The following KIF15 variants were observed in gnomAD, a reference collection of about 807,000 sequenced individuals.
KIF15 encodes kinesin-like protein KIF15.
KIF15 carries 140 observed loss-of-function variants against 190.6 expected under a neutral mutation model. The ratio of observed to expected loss-of-function variants is 0.73; its 90% CI spans 0.64 to 0.84. The LOEUF (loss-of-function observed/expected upper bound fraction) is 0.84. Ranked by LOEUF, KIF15 falls within the 40% of genes least tolerant of loss-of-function variation. KIF15 has a pLI of 0.00. For missense variants in KIF15, 1,372 were observed against 1,584.4 expected (o/e 0.87, Z 2.28); for synonymous variants, 528 against 551.3 (o/e 0.96, Z 0.59).
chr3:44,856,841 T>A (rs1350267879), downstream of KIF15, among the ~76,000 whole-genome samples: 1 of 152,072 alleles, frequency 6.6e-6, no homozygotes, highest in South Asian at 2.1e-4. Flanking sequence ...TATAACAGCA[T>A]GGTGGTGCAG....
Position 44,766,807 on chromosome 3 carries a change from C to CTT in KIF15, c.19+4943_19+4944dup, listed in dbSNP as rs766382105. On this transcript the variant is annotated intron_variant, in intron 1 of 34. Coordinates refer to ENST00000326047, the MANE Select transcript of KIF15 (RefSeq NM_020242.3). ...TAATTTTCTTTTCTTTTCTTTCTTT[C>CTT]TTTTTTTTTTTTTTTTTTTTTGAGA... is the stretch of plus-strand genomic sequence containing the variant. Among the ~76,000 whole-genome samples the CTT allele has an allele frequency of 1.5e-3, 181 of 118,532 alleles. 1 individual carries two copies. The highest frequency in any genetic ancestry group is 2.0e-3 in the African/African-American group (65 of 32,112). The allele number at this position is 118,532 out of a possible 152,430, so 77.8% of individuals were successfully genotyped here.
chr3:44,791,031 C>T (rs570427655), intron 7 of KIF15, among the ~76,000 whole-genome samples: 1 of 152,238 alleles, frequency 6.6e-6, no homozygotes, highest in South Asian at 2.1e-4. Flanking sequence ...CATAGCTATA[C>T]TTTGCTCGTT....
In KIF15 at chr3:44,841,437, G is replaced by A. The variant is rs535849561; in HGVS notation, c.3585+199G>A. 8.2e-4 allele frequency among the ~76,000 whole-genome samples: 121 copies of A among 147,144 alleles called. 1 individual carries two copies. The highest frequency in any genetic ancestry group is 2.8e-3 in the African/African-American group (109 of 39,576). ...TTTTGAGACGGAGTCTGCCTCTGTC[G>A]CCCAGGGTGGAGTGCAGTGGTGTGA... On this transcript the variant is annotated intron_variant, in intron 29 of 34. Coordinates refer to ENST00000326047, the MANE Select transcript of KIF15 (RefSeq NM_020242.3).
chr3:44,805,381 C>T (rs2125645343), intron 15 of KIF15, among the ~76,000 whole-genome samples: 1 of 152,138 alleles, frequency 6.6e-6, no homozygotes, highest in Non-Finnish European at 1.5e-5. Context: ...CAGTTTTTTC[C>T]TGTTGAGAGT....
chr3:44,839,756 T>C (rs566178988), intron 27 of KIF15, among the ~76,000 whole-genome samples: 1 of 152,210 alleles, frequency 6.6e-6, no homozygotes, highest in African/African-American at 2.4e-5. Flanking sequence ...TGATTCCACA[T>C]ATAAGTGAGA....
chr3:44,827,260 T>G (rs1697715441), intron 22 of KIF15, 199 bp from the exon 23 acceptor site: 1 of 524,934 alleles, frequency 1.9e-6, no homozygotes, highest in African/African-American at 1.9e-5. Context: ...GGAAAAACAG[T>G]CATGGCACAA....
intron 12 of KIF15, 50 bp from the exon 13 acceptor site, chr3:44,801,715 G>T: frequency 8.2e-7 from 1 of 1,223,722 alleles, no homozygotes; most frequent in Non-Finnish European, 1.2e-6. Context: ...CGAAAATTTA[G>T]GGAAGTCAAA....
At position 44,794,347 on chromosome 3, in the gene KIF15, G is replaced by A. The variant is rs375991968; in HGVS notation, c.770G>A (p.Arg257Gln). The A allele has an allele frequency of 1.4e-5, 22 of 1,613,582 alleles. No individual in the cohort carries two copies. The highest frequency in any genetic ancestry group is 1.8e-5 in the Non-Finnish European group (21 of 1,179,864). Residue 257 changes from arginine (R) to glutamine (Q), a missense_variant, in exon 8 of 35, where the codon CGG becomes CAG. Physicochemically the swap from Arg to Gln is conservative, Grantham distance 43. Transcript: ENST00000326047. ...MEKSNEIVNIRTSLLNLVDLA... is the reference protein window; with the variant it reads ...MEKSNEIVNIQTSLLNLVDLA... ...AAAAGTAATGAGATTGTGAATATAC[G>A]GACCTCCCTACTCAACCTGGTGGAT...
intron 1 of KIF15, 24 bp downstream of exon 1, chr3:44,761,908 T>C: frequency 8.1e-6 from 13 of 1,614,114 alleles, no homozygotes; most frequent in Non-Finnish European, 1.1e-5. Flanking sequence ...CCCGGCTTCG[T>C]TACCCTATTT....
intron 1 of KIF15, among the ~76,000 whole-genome samples, chr3:44,762,267 T>G (rs1705184593): frequency 6.6e-6 from 1 of 152,234 alleles, no homozygotes; most frequent in Non-Finnish European, 1.5e-5. Flanking sequence ...CACCAGCTTC[T>G]GCGTATTTCT....
rs137920435 is a variant in KIF15, at chr3:44,796,208, A to G, written c.850-1343A>G. 3.4e-3 allele frequency among the ~76,000 whole-genome samples: 513 copies of G among 152,252 alleles called. 3 individuals are homozygous for G. The highest frequency in any genetic ancestry group is 0.011 in the African/African-American group (440 of 41,548). On this transcript the variant is annotated intron_variant, in intron 8 of 34. Coordinates refer to ENST00000326047, the MANE Select transcript of KIF15 (RefSeq NM_020242.3). ...AGATATGAGGCTTAATAAATATAGC[A>G]TATGGGTTGAGCATGGTGGCTTATG...
At chr3:44,820,483 C>T (rs534828239) in intron 20 of KIF15, among the ~76,000 whole-genome samples, 15 of 151,842 alleles carry the variant, frequency 9.9e-5, no homozygotes, top group East Asian at 7.7e-4. Context: ...TTTTCCTAGG[C>T]GGAGGACCCT....
At chr3:44,804,985 G>GAA (rs375427715) in intron 14 of KIF15, 42 bp from the exon 15 acceptor site, 2,001 of 1,342,498 alleles carry the variant, frequency 1.5e-3, no homozygotes, top group South Asian at 3.3e-3. Flanking sequence ...CCCTGTCTCA[G>GAA]AAAAAAAAAA....
chr3:44,838,813 G>C (rs1421744869), intron 27 of KIF15, among the ~76,000 whole-genome samples: 2 of 151,256 alleles, frequency 1.3e-5, no homozygotes, highest in African/African-American at 4.9e-5. Flanking sequence ...TGACATTCCT[G>C]CATTGGCCAA....
intron 5 of KIF15, among the ~76,000 whole-genome samples, chr3:44,782,299 T>G (rs2125912769): frequency 6.6e-6 from 1 of 152,290 alleles, no homozygotes; most frequent in South Asian, 2.1e-4. Context: ...CGACCTCAAG[T>G]GATCCACCTG....
At chr3:44,792,577 G>A (rs1465233906) in intron 7 of KIF15, among the ~76,000 whole-genome samples, 1 of 149,170 alleles carries the variant, frequency 6.7e-6, no homozygotes, top group Non-Finnish European at 1.5e-5. Flanking sequence ...ATGAGACAGA[G>A]TCTCTGTTGC....
intron 8 of KIF15, 69 bp downstream of exon 8, chr3:44,794,495 A>T (rs1416724128): frequency 8.5e-7 from 1 of 1,171,914 alleles, no homozygotes; most frequent in Non-Finnish European, 1.2e-6. Context: ...GTCGTGATGC[A>T]TGACAGTGTC....
intron 19 of KIF15, among the ~76,000 whole-genome samples, 162 bp from the exon 20 acceptor site, chr3:44,814,749 T>C (rs1707950412): frequency 6.6e-6 from 1 of 152,154 alleles, no homozygotes; most frequent in African/African-American, 2.4e-5. Context: ...AGGAAGAAAA[T>C]AGAAATCTCA....
intron 26 of KIF15, among the ~76,000 whole-genome samples, chr3:44,833,895 T>C (rs1698188494): frequency 1.3e-5 from 2 of 152,152 alleles, no homozygotes; most frequent in Admixed American, 1.3e-4. Flanking sequence ...CCCTACAAAG[T>C]ATAAGATGAT....
Sources: gnomAD v4.1 joint callset for allele counts (sites outside exome capture counted in the v4.1 genomes callset) on GRCh38, gnomAD v4.1.1 for gene constraint, MANE v1.5 for transcripts, NCBI Gene and HGNC (gene_info 2026-07-23, HGNC 2026-07-21) for gene names.